KCNQ5: variants seen among roughly 807,000 people sequenced by gnomAD.
KCNQ5 encodes potassium voltage-gated channel subfamily KQT member 5.
In KCNQ5, 30 loss-of-function variants were observed where a neutral mutation model predicts 98.2. The observed-to-expected ratio is 0.31, with a 90% CI of 0.23 to 0.41. The LOEUF (loss-of-function observed/expected upper bound fraction) is 0.41, where lower values mean the gene tolerates loss of function less well. Among genes scored for constraint, KCNQ5 ranks in the 10% least tolerant of loss-of-function variants. KCNQ5 has a pLI of 1.00. For synonymous variants in KCNQ5, 458 were observed against 449.4 expected (o/e 1.02, Z -0.24); for missense variants, 835 against 1,182.5 (o/e 0.71, Z 4.31).
intron 1 of KCNQ5, among the ~76,000 whole-genome samples, chr6:72,860,831 T>G (rs1777733152): frequency 7.0e-6 from 1 of 143,030 alleles, no homozygotes; most frequent in Non-Finnish European, 1.5e-5. Flanking sequence ...ACTGTCCTTT[T>G]AAGGCATGTG....
intron 1 of KCNQ5, among the ~76,000 whole-genome samples, chr6:72,669,281 G>A (rs948328560): frequency 6.6e-6 from 1 of 152,174 alleles, no homozygotes; most frequent in African/African-American, 2.4e-5. Context: ...TAGGATAGAC[G>A]TTCCCATCAC....
At chr6:72,944,701 T>A (rs566806171) in intron 1 of KCNQ5, among the ~76,000 whole-genome samples, 1 of 152,304 alleles carries the variant, frequency 6.6e-6, no homozygotes, top group Non-Finnish European at 1.5e-5. Context: ...GAAAACTGCT[T>A]CAGAGAAAAC....
chr6:72,973,278 C>CTT (rs1440114177), intron 1 of KCNQ5, among the ~76,000 whole-genome samples: 1 of 146,638 alleles, frequency 6.8e-6, no homozygotes, highest in African/African-American at 2.5e-5. Flanking sequence ...CATGGGAAAT[C>CTT]TTTGCACCTT....
chr6:72,669,007 C>G (rs1766965062), intron 1 of KCNQ5, among the ~76,000 whole-genome samples: 1 of 152,048 alleles, frequency 6.6e-6, no homozygotes, highest in Admixed American at 6.5e-5. Flanking sequence ...CACATTTAGT[C>G]TGTGACATTC....
At position 72,736,888 on chromosome 6, in the gene KCNQ5, T is replaced by C. The variant is rs548829912; in HGVS notation, c.398+114301T>C. On this transcript the variant is annotated intron_variant, in intron 1 of 13. Coordinates refer to ENST00000370398, the MANE Select transcript of KCNQ5 (RefSeq NM_019842.4). ...TTTCTTTTTAAAAATACTTTAAATT[T>C]GATGTGACAGTAAACATATTTGTAA... 2.0e-5 allele frequency among the ~76,000 whole-genome samples: 3 copies of C among 152,326 alleles called. No homozygotes were observed. The East Asian group carries it at 5.8e-4, about 29-fold the overall frequency.
intron 1 of KCNQ5, among the ~76,000 whole-genome samples, chr6:72,887,904 C>T (rs2150179634): frequency 6.6e-6 from 1 of 152,070 alleles, no homozygotes; most frequent in African/African-American, 2.4e-5. Flanking sequence ...TGGCTAAATA[C>T]TTGAATTAAA....
intron 1 of KCNQ5, among the ~76,000 whole-genome samples, chr6:72,853,380 G>A (rs1777374022): frequency 6.6e-6 from 1 of 152,058 alleles, no homozygotes. Context: ...ATCTCCTTCT[G>A]TTGCCCAGGC....
At chr6:72,746,785 C>A (rs1354469460) in intron 1 of KCNQ5, among the ~76,000 whole-genome samples, 1 of 152,122 alleles carries the variant, frequency 6.6e-6, no homozygotes, top group African/African-American at 2.4e-5. Context: ...CCAGATAATA[C>A]ATCAAGAACA....
At chr6:73,099,662 G>A (rs1047888366) in intron 5 of KCNQ5, among the ~76,000 whole-genome samples, 1 of 152,070 alleles carries the variant, frequency 6.6e-6, no homozygotes, top group African/African-American at 2.4e-5. Flanking sequence ...CCCAACACTG[G>A]AGCACCCAGA....
chr6:72,726,986 C>T (rs1770316651), intron 1 of KCNQ5, among the ~76,000 whole-genome samples: 1 of 152,198 alleles, frequency 6.6e-6, no homozygotes, highest in South Asian at 2.1e-4. Flanking sequence ...ACTCAGATCA[C>T]TCTTAGTCGT....
At position 72,964,534 on chromosome 6, in the gene KCNQ5, C is replaced by A. The variant is rs1255683763; in HGVS notation, c.399-39374C>A. Among the ~76,000 whole-genome samples, 3 of 152,084 alleles carry A rather than the reference C, an allele frequency of 2.0e-5. No homozygotes were observed. The East Asian group carries it at 5.8e-4, about 29-fold the overall frequency. ...TATAAATACCTTATTGATTTCCTAT[C>A]CTTGGTGATTACAAGAAAATATTCA... On this transcript the variant is annotated intron_variant, in intron 1 of 13. Coordinates refer to ENST00000370398, the MANE Select transcript of KCNQ5 (RefSeq NM_019842.4).
At chr6:73,179,533 C>T (rs924905877) in intron 11 of KCNQ5, among the ~76,000 whole-genome samples, 3 of 152,072 alleles carry the variant, frequency 2.0e-5, no homozygotes, top group Admixed American at 6.6e-5. Context: ...ACATGAATTT[C>T]GGAGGGGGCA....
chr6:73,129,729 C>T (rs1015051615), intron 9 of KCNQ5: 1 of 1,380,066 alleles, frequency 7.2e-7, no homozygotes, highest in African/African-American at 1.4e-5. Flanking sequence ...ATAAAAGAAT[C>T]CCTGAGCACT....
intron 1 of KCNQ5, among the ~76,000 whole-genome samples, chr6:72,954,251 G>C (rs1477247658): frequency 6.6e-6 from 1 of 152,178 alleles, no homozygotes; most frequent in African/African-American, 2.4e-5. Flanking sequence ...AAGCATGTCA[G>C]ATGCAGACCT....
chr6:72,706,383 C>T (rs181841238), intron 1 of KCNQ5, among the ~76,000 whole-genome samples: 9 of 151,722 alleles, frequency 5.9e-5, no homozygotes, highest in African/African-American at 2.2e-4. Context: ...TAAAAGATGC[C>T]TTGCTTTGCT....
intron 1 of KCNQ5, among the ~76,000 whole-genome samples, chr6:72,732,804 G>A (rs1770623856): frequency 6.6e-6 from 1 of 152,134 alleles, no homozygotes; most frequent in Non-Finnish European, 1.5e-5. Context: ...AATGATGAGA[G>A]CTTAAACAAA....
chr6:72,637,036 C>T (rs2098924543), intron 1 of KCNQ5, among the ~76,000 whole-genome samples: 1 of 152,196 alleles, frequency 6.6e-6, no homozygotes, highest in African/African-American at 2.4e-5. Flanking sequence ...GAGACCAACA[C>T]AGGAGTTCCC....
chr6:72,945,873 A>G (rs1766520292), intron 1 of KCNQ5, among the ~76,000 whole-genome samples: 2 of 152,222 alleles, frequency 1.3e-5, no homozygotes, highest in Non-Finnish European at 2.9e-5. Context: ...AAAGAAGTAC[A>G]TATATTGACC....
intron 5 of KCNQ5, among the ~76,000 whole-genome samples, chr6:73,090,386 T>C (rs574216701): frequency 6.6e-6 from 1 of 152,352 alleles, no homozygotes; most frequent in South Asian, 2.1e-4. Context: ...TGACTGTTTC[T>C]TTTGCCGTGC....
Sources: gnomAD v4.1 joint callset for allele counts (sites outside exome capture counted in the v4.1 genomes callset) on GRCh38, gnomAD v4.1.1 for gene constraint, MANE v1.5 for transcripts, NCBI Gene and HGNC (gene_info 2026-07-23, HGNC 2026-07-21) for gene names.